Variants in INTS9 observed in about 807,000 individuals in gnomAD.
INTS9 encodes the protein protein related to CPSF subunits of 74 kDa.
In INTS9, 55 loss-of-function variants were observed where a neutral mutation model predicts 79.7. That is an observed-to-expected ratio of 0.69 (90% CI 0.56 to 0.86). The LOEUF is 0.86. Ranked by LOEUF, INTS9 falls within the 40% of genes least tolerant of loss-of-function variation. The probability of loss-of-function intolerance (pLI) is 0.00; values close to 1 mark genes in which losing one functional copy is unlikely to be tolerated. For missense variants in INTS9, 721 were observed against 831.5 expected (o/e 0.87, Z 1.64); for synonymous variants, 319 against 325.2 (o/e 0.98, Z 0.20).
intron 16 of INTS9, among the ~76,000 whole-genome samples, chr8:28,768,603 C>T (rs1330397358): frequency 2.0e-5 from 3 of 152,208 alleles, no homozygotes; most frequent in South Asian, 2.1e-4. Flanking sequence ...GAGTCTGGGA[C>T]GCTCAGCTGC....
At chr8:28,827,312 C>A (rs1010465321) in intron 6 of INTS9, among the ~76,000 whole-genome samples, 2 of 152,198 alleles carry the variant, frequency 1.3e-5, no homozygotes, top group African/African-American at 4.8e-5. Flanking sequence ...CAAAGCTCTG[C>A]GGCCTCTTCC....
Position 28,846,763 on chromosome 8 carries a change from T to C in INTS9, c.245A>G (p.Glu82Gly), listed in dbSNP as rs768048888. The change falls in exon 4 of 17, where the codon GAA becomes GGA. Residue 82 changes from glutamate (E) to glycine (G), a missense_variant. By Grantham distance (98) the Glu-to-Gly change is moderately conservative. This residue lies in a region of INTS9 where 291 missense variants were observed against 307.0 expected (regional missense o/e 0.95). Transcript: ENST00000521022. ...TAATCTTACCTCTGGTAAACAGAAT[T>C]CCGGCACAGAATCCACAAATACATG... The part of the protein sequence containing the change: ...SGHVFVDSVP[E>G]FCLPETELID... 1 of 1,613,212 alleles carries C rather than the reference T, an allele frequency of 6.2e-7. No homozygotes were observed. The highest frequency in any genetic ancestry group is 1.3e-5 in the African/African-American group (1 of 74,904).
In INTS9 at chr8:28,889,898, G is replaced by A. The variant is rs1310158441; in HGVS notation, c.-16C>T. On this transcript the variant is annotated 5_prime_UTR_variant, in exon 1 of 17. Transcript: ENST00000521022. ...CCAGTTTCATAATGGACTTTTGGTG[G>A]TTCAATAGCAGTCACTGAACTCCTC... 4 of 1,612,358 alleles carry A rather than the reference G, an allele frequency of 2.5e-6. No individual in the cohort carries two copies. Among genetic ancestry groups the A allele is most frequent in the East Asian group, 2.2e-5 (1 of 44,876 alleles).
chr8:28,768,378 T>G, intron 16 of INTS9, 56 bp from the exon 17 acceptor site: 1 of 1,514,564 alleles, frequency 6.6e-7, no homozygotes, highest in South Asian at 1.1e-5. Flanking sequence ...CTGTGAGATC[T>G]GTAAATGACA....
intron 6 of INTS9, among the ~76,000 whole-genome samples, chr8:28,830,944 T>G (rs957626125): frequency 6.6e-6 from 1 of 152,180 alleles, no homozygotes; most frequent in Non-Finnish European, 1.5e-5. Flanking sequence ...GGTGGGCAAA[T>G]ATATTTCAAC....
At position 28,796,642 on chromosome 8, in the gene INTS9, G is replaced by C; in HGVS notation, c.758C>G (p.Ala253Gly). The change falls in exon 9 of 17, where the codon GCT becomes GGT. Residue 253 changes from alanine (A) to glycine (G), a missense_variant. Ala to Gly is a moderately conservative substitution (Grantham distance 60). Transcript: ENST00000521022. ...AAGAACATCGCTGTTTTTGAGAGAA[G>C]CTTGGTCCATGGGCTGAAAAAGAAC... ...LTTHPQPMDQ[A>G]SLKNSDVLVL... The C allele has an allele frequency of 1.2e-6, 2 of 1,612,222 alleles. No individual in the cohort carries two copies. The highest frequency in any genetic ancestry group is 1.7e-6 in the Non-Finnish European group (2 of 1,178,264).
intron 1 of INTS9, among the ~76,000 whole-genome samples, chr8:28,876,337 T>C (rs1229145473): frequency 6.6e-6 from 1 of 152,162 alleles, no homozygotes; most frequent in Non-Finnish European, 1.5e-5. Flanking sequence ...TAAAATCCAT[T>C]GTTTACTCAA....
At chr8:28,888,365 A>T (rs181069218) in intron 1 of INTS9, among the ~76,000 whole-genome samples, 29 of 152,336 alleles carry the variant, frequency 1.9e-4, no homozygotes, top group African/African-American at 6.7e-4. Flanking sequence ...CAGCCTGGGC[A>T]ACATGGTTAA....
intron 6 of INTS9, among the ~76,000 whole-genome samples, chr8:28,825,183 C>G (rs1295171968): frequency 1.3e-5 from 2 of 152,214 alleles, no homozygotes; most frequent in Admixed American, 6.5e-5. Flanking sequence ...CTGCCCTGCA[C>G]AGAAAATGAA....
chr8:28,852,996 A>G (rs753068469), intron 2 of INTS9, among the ~76,000 whole-genome samples: 1 of 152,278 alleles, frequency 6.6e-6, no homozygotes, highest in African/African-American at 2.4e-5. Context: ...TGAGTTATCA[A>G]ATAAACCATA....
At chr8:28,858,880 T>C (rs1334794803) in intron 2 of INTS9, among the ~76,000 whole-genome samples, 1 of 152,236 alleles carries the variant, frequency 6.6e-6, no homozygotes, top group East Asian at 1.9e-4. Flanking sequence ...TTCTAAATAG[T>C]AGTATGCTGG....
intron 3 of INTS9, 29 bp downstream of exon 3, chr8:28,850,173 TGGCTGTAGATA>T: frequency 6.5e-7 from 1 of 1,542,548 alleles, no homozygotes. Context: ...AGCTTTCCAC[TGGCTGTAGATA>T]GGCTTTAGTT....
At chr8:28,885,348 G>A (rs145567302) in intron 1 of INTS9, among the ~76,000 whole-genome samples, 15 of 152,252 alleles carry the variant, frequency 9.9e-5, no homozygotes, top group African/African-American at 2.9e-4. Context: ...TCTGCAGAGC[G>A]CCATGGATTC....
Position 28,767,823 on chromosome 8 carries a change from A to G in INTS9, c.*323T>C. The G allele has an allele frequency of 2.8e-6, 1 of 359,632 alleles. No individual in the cohort carries two copies. The highest frequency in any genetic ancestry group is 5.3e-6 in the Non-Finnish European group (1 of 190,286). 22.3% of individuals were successfully genotyped at this position (359,632 alleles called of 1,614,324 possible). A position where few individuals can be genotyped will look rare whatever the true frequency, so the allele number is the denominator to read the frequency against. ...CTCCCCTGGCCGAGGCCTGGGACTG[A>G]TGCAAGACAGCCAGCCAGTCACCTC... On this transcript the variant is annotated 3_prime_UTR_variant, in exon 17 of 17. Transcript: ENST00000521022.
chr8:28,792,464 A>G (rs1361364750), intron 10 of INTS9, among the ~76,000 whole-genome samples: 5 of 152,102 alleles, frequency 3.3e-5, no homozygotes, highest in Non-Finnish European at 7.4e-5. Context: ...TATCAGTATA[A>G]AAAACTAAAA....
At chr8:28,793,524 G>A (rs1290015431) in intron 10 of INTS9, among the ~76,000 whole-genome samples, 1 of 152,178 alleles carries the variant, frequency 6.6e-6, no homozygotes, top group Non-Finnish European at 1.5e-5. Flanking sequence ...AACAGGCAGA[G>A]GGTGACATGT....
At chr8:28,820,871 T>C (rs1034177296) in intron 6 of INTS9, among the ~76,000 whole-genome samples, 2 of 152,094 alleles carry the variant, frequency 1.3e-5, no homozygotes, top group Admixed American at 6.6e-5. Flanking sequence ...GGGAGGATAG[T>C]ATGTAATGCA....
At position 28,850,290 on chromosome 8, in the gene INTS9, T is replaced by A. The variant is rs775952741; in HGVS notation, c.138-17A>T. ...AGCCTGGGACTGCAAAACAAAAGAT[T>A]AAGATTAAATTAACCTAAATAGATT... is the stretch of plus-strand genomic sequence containing the variant. On this transcript the variant is annotated splice_polypyrimidine_tract_variant and intron_variant, in intron 2 of 16. Transcript: ENST00000521022. 1 of 1,600,902 alleles carries A rather than the reference T, an allele frequency of 6.2e-7. No individual in the cohort carries two copies. The highest frequency in any genetic ancestry group is 8.6e-7 in the Non-Finnish European group (1 of 1,168,630).
chr8:28,809,849 C>T (rs241158), intron 8 of INTS9, among the ~76,000 whole-genome samples: 85,291 of 151,892 alleles, frequency 0.56, 24,935 homozygotes, highest in Non-Finnish European at 0.65. Context: ...CCCCTCTAGA[C>T]CTTGAGATGA....
Sources: gnomAD v4.1 joint callset for allele counts (sites outside exome capture counted in the v4.1 genomes callset) on GRCh38, gnomAD v4.1.1 for gene constraint, gnomAD v4.1.1 regional missense constraint, MANE v1.5 for transcripts, NCBI Gene and HGNC (gene_info 2026-07-23, HGNC 2026-07-21) for gene names.